FN1: variants seen among roughly 807,000 people sequenced by gnomAD.
The protein encoded by FN1 is fibronectin 1, also known as fibronectin.
FN1 carries 106 observed loss-of-function variants against 297.3 expected under a neutral mutation model. That is an observed-to-expected ratio of 0.36 (90% CI 0.30 to 0.42). The LOEUF is 0.42. Ranked by LOEUF, FN1 falls within the 10% of genes least tolerant of loss-of-function variation. The probability of loss-of-function intolerance (pLI) is 1.00; values close to 1 mark genes in which losing one functional copy is unlikely to be tolerated. For synonymous variants in FN1, 1,149 were observed against 1,152.6 expected (o/e 1.00, Z 0.06); for missense variants, 2,690 against 3,124.9 (o/e 0.86, Z 3.32).
intron 20 of FN1, among the ~76,000 whole-genome samples, chr2:215,400,751 CAAAAA>C (rs1175226865): frequency 7.1e-5 from 4 of 56,218 alleles, no homozygotes; most frequent in African/African-American, 8.9e-5. Context: ...GGCTCCATCT[CAAAAA>C]AAAAAAAAAA....
intron 23 of FN1, among the ~76,000 whole-genome samples, chr2:215,395,467 A>G (rs1475391129): frequency 6.6e-6 from 1 of 151,816 alleles, no homozygotes; most frequent in Non-Finnish European, 1.5e-5. Flanking sequence ...TGAGCCCAGG[A>G]GACGGAGGTT....
chr2:215,425,096 G>T lies in FN1; in HGVS notation c.1034C>A (p.Thr345Lys). 1 of 1,613,926 alleles carries T rather than the reference G, an allele frequency of 6.2e-7. No individual in the cohort carries two copies. Among genetic ancestry groups the T allele is most frequent in the South Asian group, 1.1e-5 (1 of 91,080 alleles). ...CLGNGVSCQE[T>K]AVTQTYGGNS... ...TTCTTCAAAAAGATAATGCATACCT[G>T]TCTCTTGGCAGCTGACTCCGTTGCC... The change falls in exon 7 of 46, where the codon ACA (threonine) becomes AAA (lysine). Residue 345 changes from threonine (T) to lysine (K), a missense_variant and splice_region_variant. Physicochemically the swap from Thr to Lys is moderately conservative, Grantham distance 78. This residue lies in a region of FN1 where 876 missense variants were observed against 1,058.1 expected (regional missense o/e 0.83). Coordinates refer to ENST00000354785, the MANE Select transcript of FN1 (RefSeq NM_212482.4).
chr2:215,373,465 G>A (rs2056639546), intron 38 of FN1, 54 bp from the exon 39 acceptor site: 1 of 1,472,120 alleles, frequency 6.8e-7, no homozygotes, highest in Non-Finnish European at 9.5e-7. Context: ...CTAGTCAAGT[G>A]GAAGTCGGTC....
At chr2:215,378,340 A>C in intron 34 of FN1, 78 bp from the exon 35 acceptor site, 1 of 780,794 alleles carries the variant, frequency 1.3e-6, no homozygotes, top group Non-Finnish European at 2.3e-6. Context: ...GCATTAGGTA[A>C]ATGCAATGGT....
chr2:215,407,217 GA>G lies in FN1; in HGVS notation c.2622del (p.Gln875SerfsTer44). On this transcript the variant is annotated frameshift_variant, in exon 18 of 46. Transcript: ENST00000354785. LOFTEE classifies it high-confidence loss of function. ...ACAGCATAGATAGTGATGTTATACTGAACACCAGGTTGCAAGTCACTGAGGG... is the reference window on the plus strand; with the variant it reads ...ACAGCATAGATAGTGATGTTATACTGACACCAGGTTGCAAGTCACTGAGGG... ...SVTLSDLQPGVQYNITIYAVE... is the reference protein window; with the variant it reads ...SVTLSDLQPGXQYNITIYAVE... The G allele has an allele frequency of 6.2e-7, 1 of 1,613,850 alleles. No individual in the cohort carries two copies. Among genetic ancestry groups the G allele is most frequent in the East Asian group, 2.2e-5 (1 of 44,870 alleles).
chr2:215,430,082 G>T (rs185286754), intron 5 of FN1, among the ~76,000 whole-genome samples: 2 of 152,182 alleles, frequency 1.3e-5, no homozygotes, highest in Admixed American at 1.3e-4. Context: ...CTATGTTAAA[G>T]GTAGTTAAAT....
At chr2:215,408,763 G>T (rs1258604309) in intron 15 of FN1, among the ~76,000 whole-genome samples, 1 of 151,946 alleles carries the variant, frequency 6.6e-6, no homozygotes, top group East Asian at 1.9e-4. Flanking sequence ...AGAGATGGAG[G>T]TTCACCATGT....
At chr2:215,424,563 C>T (rs1371516932) in intron 7 of FN1, among the ~76,000 whole-genome samples, 1 of 152,178 alleles carries the variant, frequency 6.6e-6, no homozygotes, top group African/African-American at 2.4e-5. Context: ...CTTCTGCTGC[C>T]ATGCCTCAGT....
At chr2:215,405,032 T>C (rs1307425142) in intron 19 of FN1, among the ~76,000 whole-genome samples, 1 of 152,242 alleles carries the variant, frequency 6.6e-6, no homozygotes, top group African/African-American at 2.4e-5. Flanking sequence ...GAAAAAGGGA[T>C]ATGCCTCCTA....
intron 9 of FN1, 46 bp downstream of exon 9, chr2:215,423,304 C>T: frequency 6.2e-7 from 1 of 1,600,566 alleles, no homozygotes; most frequent in Non-Finnish European, 8.6e-7. Context: ...GTCTCTACTC[C>T]CTAAATTGTT....
At chr2:215,392,747 T>C (rs2106086822) in intron 25 of FN1, 184 bp downstream of exon 25, 1 of 662,598 alleles carries the variant, frequency 1.5e-6, no homozygotes, top group Non-Finnish European at 2.7e-6. Flanking sequence ...TGAAGAATAC[T>C]TGCATGTGTT....
At chr2:215,375,179 T>C (rs371513568) in intron 38 of FN1, 35 bp downstream of exon 38, 1 of 1,606,244 alleles carries the variant, frequency 6.2e-7, no homozygotes, top group Non-Finnish European at 8.5e-7. Context: ...TCCTAGGTAG[T>C]AAGAAGGAAA....
chr2:215,365,778 A>G (rs2054414557), intron 42 of FN1, 148 bp from the exon 43 acceptor site: 4 of 428,192 alleles, frequency 9.3e-6, no homozygotes, highest in Non-Finnish European at 1.6e-5. Context: ...ATAATGGGCC[A>G]TTTATTTTAT....
chr2:215,386,372 C>T (rs569984370), intron 28 of FN1, among the ~76,000 whole-genome samples: 13 of 151,926 alleles, frequency 8.6e-5, no homozygotes, highest in Non-Finnish European at 1.3e-4. Flanking sequence ...CCACCCCGTC[C>T]GGCCAATTTT....
intron 44 of FN1, chr2:215,363,349 A>G (rs2106113888): frequency 6.6e-6 from 1 of 152,040 alleles, no homozygotes; most frequent in Admixed American, 6.6e-5. Context: ...CTAAGGTCAT[A>G]CAATCACAGT....
At chr2:215,425,950 A>T (rs16854055) in intron 6 of FN1, among the ~76,000 whole-genome samples, 41,436 of 151,938 alleles carry the variant, frequency 0.27, 6,600 homozygotes, top group African/African-American at 0.42. Flanking sequence ...CACTCTTCTG[A>T]GTAACCGAGC....
intron 1 of FN1, among the ~76,000 whole-genome samples, chr2:215,435,248 C>A (rs760642401): frequency 1.3e-5 from 2 of 152,110 alleles, no homozygotes. Flanking sequence ...TTCAATACCC[C>A]CTTTCCACCC....
chr2:215,361,031 A>T lies in FN1; in HGVS notation c.*524T>A, dbSNP rs1310813565. 6.4e-6 allele frequency: 1 copy of T among 156,922 alleles called. No homozygotes were observed. Among genetic ancestry groups the T allele is most frequent in the Non-Finnish European group, 1.4e-5 (1 of 70,564 alleles). 9.7% of individuals were successfully genotyped at this position (156,922 alleles called of 1,614,324 possible). A position where few individuals can be genotyped will look rare whatever the true frequency, so the allele number is the denominator to read the frequency against. On this transcript the variant is annotated 3_prime_UTR_variant, in exon 46 of 46. Coordinates refer to ENST00000354785, the MANE Select transcript of FN1 (RefSeq NM_212482.4). ...TTTCCGTATAAAAATACTGGGAAAAATTGATAAATAACAGGTAAGAGAAAG... is the reference window on the plus strand; with the variant it reads ...TTTCCGTATAAAAATACTGGGAAAATTTGATAAATAACAGGTAAGAGAAAG...
At chr2:215,367,759 T>G (rs1314171733) in intron 42 of FN1, 104 bp downstream of exon 42, 1 of 1,150,808 alleles carries the variant, frequency 8.7e-7, no homozygotes, top group Non-Finnish European at 1.3e-6. Context: ...TGCTTCATGT[T>G]TGGAAGAACC....
Sources: gnomAD v4.1 joint callset for allele counts (sites outside exome capture counted in the v4.1 genomes callset) on GRCh38, gnomAD v4.1.1 for gene constraint, gnomAD v4.1.1 regional missense constraint, MANE v1.5 for transcripts, NCBI Gene and HGNC (gene_info 2026-07-23, HGNC 2026-07-21) for gene names.